The following SORCS1 variants were observed in gnomAD, a reference collection of about 807,000 sequenced individuals.
SORCS1 encodes sortilin related VPS10 domain containing receptor 1.
Under a neutral mutation model 146.1 loss-of-function variants are expected in SORCS1, and 60 were observed. The observed-to-expected ratio is 0.41, with a 90% confidence interval of 0.33 to 0.51. SORCS1 has a LOEUF of 0.51. Ranked by LOEUF, SORCS1 falls within the 20% of genes least tolerant of loss-of-function variation. SORCS1 has a pLI of 0.21. For synonymous variants in SORCS1, 637 were observed against 584.0 expected (o/e 1.09, Z -1.31); for missense variants, 1,352 against 1,487.6 (o/e 0.91, Z 1.50).
intron 1 of SORCS1, among the ~76,000 whole-genome samples, chr10:106,964,389 G>A (rs746158319): frequency 6.6e-6 from 1 of 152,006 alleles, no homozygotes; most frequent in East Asian, 1.9e-4. Flanking sequence ...CTGCAGCCTT[G>A]AACTCCTGAG....
At chr10:106,889,319 G>A (rs1407448012) in intron 2 of SORCS1, among the ~76,000 whole-genome samples, 1 of 152,062 alleles carries the variant, frequency 6.6e-6, no homozygotes, top group Non-Finnish European at 1.5e-5. Context: ...AAAACAGACA[G>A]CAATTGTAGG....
intron 17 of SORCS1, among the ~76,000 whole-genome samples, chr10:106,662,765 C>T (rs1036420151): frequency 8.5e-5 from 13 of 152,200 alleles, no homozygotes; most frequent in Non-Finnish European, 1.0e-4. Flanking sequence ...CCTTCCTCAC[C>T]TTATTAATTT....
intron 1 of SORCS1, among the ~76,000 whole-genome samples, chr10:107,139,596 A>C (rs1028533600): frequency 6.6e-6 from 1 of 152,112 alleles, no homozygotes; most frequent in African/African-American, 2.4e-5. Context: ...TCAGGCCCTG[A>C]CACATATACA....
At chr10:106,627,494 C>T (rs1457453380) in intron 19 of SORCS1, among the ~76,000 whole-genome samples, 1 of 152,106 alleles carries the variant, frequency 6.6e-6, no homozygotes, top group Non-Finnish European at 1.5e-5. Flanking sequence ...ATTTTTGCTA[C>T]TAATCATTAA....
chr10:107,137,627 T>C (rs557567109), intron 1 of SORCS1, among the ~76,000 whole-genome samples: 5 of 152,140 alleles, frequency 3.3e-5, no homozygotes, highest in African/African-American at 1.2e-4. Flanking sequence ...CTTTGCGAGG[T>C]TGAGGCGGGC....
At chr10:106,817,960 C>T (rs191806579) in intron 3 of SORCS1, among the ~76,000 whole-genome samples, 1 of 152,294 alleles carries the variant, frequency 6.6e-6, no homozygotes, top group East Asian at 1.9e-4. Context: ...CTCTTAAAGC[C>T]TTTGTTGTCT....
At chr10:106,925,999 A>G (rs1485468701) in intron 2 of SORCS1, among the ~76,000 whole-genome samples, 1 of 152,182 alleles carries the variant, frequency 6.6e-6, no homozygotes, top group Non-Finnish European at 1.5e-5. Flanking sequence ...CAATTCTAAG[A>G]CACTTTGGAA....
chr10:106,916,768 G>T (rs1227681858), intron 2 of SORCS1, among the ~76,000 whole-genome samples: 2 of 150,154 alleles, frequency 1.3e-5, no homozygotes, highest in Non-Finnish European at 3.0e-5. Context: ...TTATTTTTTT[G>T]AGACAGAGTC....
intron 5 of SORCS1, among the ~76,000 whole-genome samples, chr10:106,742,867 C>G (rs375944277): frequency 6.6e-6 from 1 of 152,036 alleles, no homozygotes; most frequent in African/African-American, 2.4e-5. Context: ...ACTACCTGTA[C>G]TTTGTTTGTT....
intron 1 of SORCS1, among the ~76,000 whole-genome samples, chr10:106,976,212 T>C (rs990647501): frequency 1.2e-3 from 152 of 131,358 alleles, no homozygotes; most frequent in Middle Eastern, 3.9e-3. Flanking sequence ...GCTTCATCTG[T>C]TTTTTTTTTT....
At chr10:106,795,611 T>G (rs1946517529) in intron 3 of SORCS1, among the ~76,000 whole-genome samples, 2 of 152,210 alleles carry the variant, frequency 1.3e-5, no homozygotes, top group Admixed American at 1.3e-4. Flanking sequence ...CGGGAGATGA[T>G]CAAATCCATA....
chr10:107,066,236 C>A (rs900450136), intron 1 of SORCS1, among the ~76,000 whole-genome samples: 1 of 152,130 alleles, frequency 6.6e-6, no homozygotes, highest in Admixed American at 6.5e-5. Flanking sequence ...ATCATGATCA[C>A]TTTCTATTGC....
At chr10:106,617,395 A>C (rs773259831) in intron 21 of SORCS1, among the ~76,000 whole-genome samples, 1 of 152,094 alleles carries the variant, frequency 6.6e-6, no homozygotes, top group Non-Finnish European at 1.5e-5. Context: ...TACCATTTCC[A>C]TATTAATAAT....
rs567231785 is a variant in SORCS1 at position 106,945,483 on chromosome 10, T to C, written c.626+11030A>G. Among the ~76,000 whole-genome samples the C allele has an allele frequency of 1.7e-4, 26 of 152,294 alleles. 1 individual carries two copies. In the South Asian group the frequency reaches 5.2e-3, roughly 30 times the overall value. On this transcript the variant is annotated intron_variant, in intron 2 of 25. Coordinates refer to ENST00000263054, the MANE Select transcript of SORCS1 (RefSeq NM_052918.5). The stretch of plus-strand genomic sequence containing the variant: ...CATAGGAAAGCCTTCTGAGGAACTA[T>C]GAGGATGTGGAAGGTAACTGGATGG...
intron 5 of SORCS1, among the ~76,000 whole-genome samples, chr10:106,732,712 C>T (rs2136030468): frequency 6.6e-6 from 1 of 152,270 alleles, no homozygotes; most frequent in South Asian, 2.1e-4. Context: ...GTGTAGCTTT[C>T]CATGTGCGTA....
At chr10:106,924,868 A>C (rs767349949) in intron 2 of SORCS1, among the ~76,000 whole-genome samples, 97 of 151,538 alleles carry the variant, frequency 6.4e-4, no homozygotes, top group Admixed American at 2.2e-3. Flanking sequence ...TGTAACTTTC[A>C]TAAGTATCTC....
intron 1 of SORCS1, among the ~76,000 whole-genome samples, chr10:107,034,970 G>A (rs1958831897): frequency 1.3e-5 from 2 of 151,970 alleles, no homozygotes; most frequent in Admixed American, 1.3e-4. Context: ...TATAATCAAT[G>A]TAATCATTAT....
intron 2 of SORCS1, among the ~76,000 whole-genome samples, chr10:106,915,796 A>G (rs1952392677): frequency 6.6e-6 from 1 of 152,000 alleles, no homozygotes; most frequent in Non-Finnish European, 1.5e-5. Flanking sequence ...AGTTTGTTGC[A>G]CTCCCAGAGT....
chr10:106,780,629 G>T (rs1350772616), intron 3 of SORCS1, among the ~76,000 whole-genome samples: 3 of 152,178 alleles, frequency 2.0e-5, no homozygotes, highest in African/African-American at 7.2e-5. Context: ...GCAACACTGG[G>T]ATTTCCAGTC....
Sources: allele counts gnomAD v4.1 joint callset (sites outside exome capture counted in the v4.1 genomes callset), GRCh38; gene constraint gnomAD v4.1.1; transcripts MANE v1.5; gene names NCBI Gene and HGNC (gene_info 2026-07-23, HGNC 2026-07-21).